The following CCDC30 variants were observed in gnomAD, a reference collection of about 807,000 sequenced individuals.
CCDC30 encodes the protein coiled-coil domain containing 30.
Under a neutral mutation model 100.2 loss-of-function variants are expected in CCDC30, and 70 were observed. The ratio of observed to expected loss-of-function variants is 0.70; its 90% CI spans 0.58 to 0.85. The LOEUF is 0.85. CCDC30 is among the 40% of genes least tolerant of loss of function. CCDC30 has a pLI of 0.00. For missense variants in CCDC30, 652 were observed against 771.2 expected, an observed-to-expected ratio of 0.85 and a Z score of 1.83; for synonymous variants, 233 against 269.5, an observed-to-expected ratio of 0.86 and a Z score of 1.33.
intron 11 of CCDC30, among the ~76,000 whole-genome samples, chr1:42,636,238 G>C (rs1400880431): frequency 6.6e-6 from 1 of 151,948 alleles, no homozygotes; most frequent in East Asian, 1.9e-4. Context: ...GGCAACATGT[G>C]AGACACCCAT....
chr1:42,533,273 G>A (rs1477681408), intron 6 of CCDC30, among the ~76,000 whole-genome samples: 1 of 152,130 alleles, frequency 6.6e-6, no homozygotes, highest in Non-Finnish European at 1.5e-5. Context: ...AATGTGAGCT[G>A]GTGTTGATAA....
At chr1:42,641,577 A>G (rs2148684178) in intron 12 of CCDC30, among the ~76,000 whole-genome samples, 1 of 152,074 alleles carries the variant, frequency 6.6e-6, no homozygotes, top group Non-Finnish European at 1.5e-5. Flanking sequence ...AAAAAAAACA[A>G]AAAAAACAGC....
chr1:42,495,724 T>C (rs1483354025), intron 4 of CCDC30, among the ~76,000 whole-genome samples: 1 of 151,712 alleles, frequency 6.6e-6, no homozygotes, highest in African/African-American at 2.4e-5. Flanking sequence ...AAAATAAAAA[T>C]AAAAATCTTC....
chr1:42,561,594 A>C (rs1223407829), intron 6 of CCDC30, among the ~76,000 whole-genome samples: 4 of 152,178 alleles, frequency 2.6e-5, no homozygotes, highest in African/African-American at 9.7e-5. Flanking sequence ...ATAGTATTGG[A>C]AGTTCTGACC....
At chr1:42,492,295 G>A in intron 4 of CCDC30, 1 of 196,456 alleles carries the variant, frequency 5.1e-6, no homozygotes, top group Non-Finnish European at 1.1e-5. Context: ...ATTCCAGGCA[G>A]CACTGGAAAA....
intron 1 of CCDC30, among the ~76,000 whole-genome samples, chr1:42,471,537 T>C (rs1356825674): frequency 6.6e-6 from 1 of 152,234 alleles, no homozygotes. Flanking sequence ...TTTTTCCATA[T>C]TGCCAAATAG....
chr1:42,529,243 G>T (rs938515176), intron 6 of CCDC30, among the ~76,000 whole-genome samples: 1 of 152,210 alleles, frequency 6.6e-6, no homozygotes, highest in Non-Finnish European at 1.5e-5. Context: ...GAAAGCCAAG[G>T]TGGGCGGATC....
chr1:42,596,327 G>GA lies in CCDC30; in HGVS notation c.1164+6849dup, dbSNP rs1376568958. Among the ~76,000 whole-genome samples the GA allele has an allele frequency of 1.3e-5, 2 of 152,126 alleles. No individual in the cohort carries two copies. Among genetic ancestry groups the GA allele is most frequent in the East Asian group, 3.9e-4 (2 of 5,182 alleles). On this transcript the variant is annotated intron_variant, in intron 10 of 16. Coordinates refer to ENST00000668663, the Ensembl canonical transcript of CCDC30. The surrounding 1 kb of genome is among the most constrained non-coding windows in gnomAD (Gnocchi z 4.3). ...ATACCAGGTTCTTGTGAATATCTGAGAAAAATCCCCTTTTGCTTCCAGAAC... is the reference window on the plus strand; with the variant it reads ...ATACCAGGTTCTTGTGAATATCTGAGAAAAAATCCCCTTTTGCTTCCAGAAC...
exon 12 of CCDC30, chr1:42,637,327 A>T (rs753150735): frequency 6.3e-7 from 1 of 1,592,406 alleles, no homozygotes; most frequent in South Asian, 1.2e-5. Flanking sequence ...GAGATAAGAG[A>T]ATTAACCAAT....
chr1:42,518,408 A>T (rs1213925443), intron 6 of CCDC30, among the ~76,000 whole-genome samples: 1 of 152,210 alleles, frequency 6.6e-6, no homozygotes. Context: ...ATCTGCAAAC[A>T]GAGATATCGT....
At chr1:42,539,230 C>T in intron 6 of CCDC30, 2 of 1,609,738 alleles carry the variant, frequency 1.2e-6, no homozygotes, top group Non-Finnish European at 1.7e-6. Flanking sequence ...TCACAATCTT[C>T]CAGGGGAATC....
At chr1:42,502,775 A>T (rs1301551219) in intron 6 of CCDC30, among the ~76,000 whole-genome samples, 1 of 152,220 alleles carries the variant, frequency 6.6e-6, no homozygotes, top group African/African-American at 2.4e-5. Context: ...ATTTTACATA[A>T]GTGGAACCAT....
At chr1:42,588,597 G>A (rs1646123627) in intron 9 of CCDC30, among the ~76,000 whole-genome samples, 1 of 152,152 alleles carries the variant, frequency 6.6e-6, no homozygotes, top group African/African-American at 2.4e-5. Flanking sequence ...GAGTTTAAGA[G>A]ATAGCCATTG....
chr1:42,514,378 C>T (rs376452530), intron 6 of CCDC30, among the ~76,000 whole-genome samples: 2 of 152,258 alleles, frequency 1.3e-5, no homozygotes, highest in East Asian at 3.9e-4. Flanking sequence ...ATGAGGGTTG[C>T]AGTTTCTCCA....
At chr1:42,625,442 G>A (rs184805659) in intron 11 of CCDC30, among the ~76,000 whole-genome samples, 2 of 151,120 alleles carry the variant, frequency 1.3e-5, no homozygotes, top group African/African-American at 4.8e-5. Flanking sequence ...TGTTTCTCTA[G>A]TTCTTTAAGA....
In CCDC30 at chr1:42,490,148, C is replaced by A. The variant is rs1644115082; in HGVS notation, c.170-10C>A. ...TGTTCCTTATACAAATATTTTATTT[C>A]TTTTTTTAGATTCTGCACTTAAGAA... On this transcript the variant is annotated splice_polypyrimidine_tract_variant and intron_variant, in intron 3 of 16. Transcript: ENST00000668663. 1 of 1,082,798 alleles carries A rather than the reference C, an allele frequency of 9.2e-7. No homozygotes were observed. The highest frequency in any genetic ancestry group is 1.6e-5 in the African/African-American group (1 of 61,574). 67.1% of individuals were successfully genotyped at this position (1,082,798 alleles called of 1,614,324 possible). A position where few individuals can be genotyped will look rare whatever the true frequency, so the allele number is the denominator to read the frequency against.
At chr1:42,536,984 CCTAT>C (rs1644917632) in intron 6 of CCDC30, 1 of 353,934 alleles carries the variant, frequency 2.8e-6, no homozygotes, top group African/African-American at 2.2e-5. Context: ...CCTTATCAAC[CCTAT>C]CTATCTCCAA....
intron 6 of CCDC30, among the ~76,000 whole-genome samples, chr1:42,524,597 C>T (rs1644696261): frequency 6.6e-6 from 1 of 152,142 alleles, no homozygotes; most frequent in Non-Finnish European, 1.5e-5. Flanking sequence ...CATCAGAACA[C>T]AAATCCCCAA....
chr1:42,575,677 A>G (rs907988413), intron 7 of CCDC30, among the ~76,000 whole-genome samples: 3 of 144,232 alleles, frequency 2.1e-5, no homozygotes, highest in African/African-American at 7.6e-5. Flanking sequence ...CAAACAAAAA[A>G]ACATAGTCTC....
Sources: gnomAD v4.1 joint callset for allele counts (sites outside exome capture counted in the v4.1 genomes callset) on GRCh38, gnomAD v4.1.1 for gene constraint, Gnocchi (gnomAD v3.1) non-coding constraint, MANE v1.5 for transcripts, NCBI Gene and HGNC (gene_info 2026-07-23, HGNC 2026-07-21) for gene names.